Variants in CEP126 observed in about 807,000 individuals in gnomAD.
The protein encoded by CEP126 is centrosomal protein of 126 kDa.
In CEP126, 74 loss-of-function variants were observed where a neutral mutation model predicts 107.8. That is an observed-to-expected ratio of 0.69 (90% confidence interval 0.57 to 0.83). CEP126 has a LOEUF of 0.83. Among genes scored for constraint, CEP126 ranks in the 40% least tolerant of loss-of-function variants. CEP126 has a pLI of 0.00. For missense variants in CEP126, 1,237 were observed against 1,281.9 expected (o/e 0.96, Z 0.53); for synonymous variants, 449 against 446.0 (o/e 1.01, Z -0.08).
chr11:101,983,870 G>A (rs576209706), intron 8 of CEP126, among the ~76,000 whole-genome samples: 5 of 152,302 alleles, frequency 3.3e-5, no homozygotes, highest in African/African-American at 1.2e-4. Flanking sequence ...TGATTTCAAG[G>A]AGTGAATTTC....
At chr11:101,964,951 A>G (rs770184577) in intron 6 of CEP126, among the ~76,000 whole-genome samples, 41 of 152,214 alleles carry the variant, frequency 2.7e-4, no homozygotes, top group South Asian at 4.1e-4. Context: ...TTGAGTTGCT[A>G]TAAACTAATA....
At chr11:101,987,815 A>T (rs536566322) in intron 9 of CEP126, among the ~76,000 whole-genome samples, 15 of 152,320 alleles carry the variant, frequency 9.8e-5, no homozygotes, top group African/African-American at 3.6e-4. Context: ...AGTTCTTAAG[A>T]TCTCAAGCAA....
Position 101,963,442 on chromosome 11 carries a change from C to T in CEP126, c.2407C>T (p.Pro803Ser). The part of the protein sequence containing the change: ...AQGKLIIPCP[P>S]PQSTSNIRSG... ...GGGAAAATTAATTATACCTTGTCCT[C>T]CTCCTCAATCTACATCAAATATTAG... The change falls in exon 6 of 11, where the codon CCT (proline) becomes TCT (serine). Residue 803 changes from proline to serine, a missense_variant. Around this residue, in one of 3 missense-constraint regions of CEP126, gnomAD observed 1,134 missense variants for 1,150.5 expected, o/e 0.99. Transcript: ENST00000263468. 1 of 1,614,076 alleles carries T rather than the reference C, an allele frequency of 6.2e-7. No individual in the cohort carries two copies. Among genetic ancestry groups the T allele is most frequent in the Non-Finnish European group, 8.5e-7 (1 of 1,179,986 alleles).
At chr11:101,958,032 A>G (rs1940922203) in intron 4 of CEP126, 136 bp from the exon 5 acceptor site, 1 of 732,018 alleles carries the variant, frequency 1.4e-6, no homozygotes, top group Admixed American at 2.4e-5. Context: ...ACATGTCTAT[A>G]TATTTCTCCA....
chr11:101,968,475 A>T (rs1215787739), intron 6 of CEP126, among the ~76,000 whole-genome samples: 2 of 152,218 alleles, frequency 1.3e-5, no homozygotes, highest in African/African-American at 4.8e-5. Flanking sequence ...TTAGGAGATT[A>T]GATAGAATAA....
intron 4 of CEP126, chr11:101,955,891 T>G: frequency 2.2e-6 from 1 of 456,310 alleles, no homozygotes; most frequent in Non-Finnish European, 4.4e-6. Flanking sequence ...ACTTCCAAAT[T>G]CTTCCTAGCT....
intron 1 of CEP126, 132 bp from the exon 2 acceptor site, chr11:101,922,509 G>A (rs1591267339): frequency 4.2e-6 from 3 of 720,670 alleles, no homozygotes; most frequent in Non-Finnish European, 4.6e-6. Context: ...ACTAATGTGG[G>A]CACATACTAA....
intron 6 of CEP126, among the ~76,000 whole-genome samples, chr11:101,970,549 CTTTTT>C (rs533402709): frequency 7.0e-6 from 1 of 143,634 alleles, no homozygotes; most frequent in African/African-American, 2.5e-5. Context: ...ATTCTACTTC[CTTTTT>C]TTTTTTAAGC....
At chr11:101,965,856 A>G (rs193239221) in intron 6 of CEP126, among the ~76,000 whole-genome samples, 3 of 152,314 alleles carry the variant, frequency 2.0e-5, no homozygotes, top group Non-Finnish European at 1.5e-5. Context: ...CCAGATCTCT[A>G]TGGTTCCAAG....
At chr11:101,915,501 A>C in intron 1 of CEP126, 89 bp downstream of exon 1, 1 of 1,492,636 alleles carries the variant, frequency 6.7e-7, no homozygotes, top group South Asian at 1.3e-5. Flanking sequence ...CCTTTGACGC[A>C]GGGTGATCAA....
At chr11:101,952,672 G>T (rs1431659194) in intron 4 of CEP126, among the ~76,000 whole-genome samples, 1 of 152,172 alleles carries the variant, frequency 6.6e-6, no homozygotes, top group Non-Finnish European at 1.5e-5. Flanking sequence ...GGGAAGAATA[G>T]ATAGGTTTAG....
rs1170660655 is a variant in CEP126 at position 101,997,928 on chromosome 11, G to GAGT, written c.*288_*290dup. The GAGT allele has an allele frequency of 1.9e-5, 6 of 314,940 alleles. No individual in the cohort carries two copies. The highest frequency in any genetic ancestry group is 1.3e-4 in the African/African-American group (6 of 47,668). The allele number at this position is 314,940 out of a possible 1,614,324, so 19.5% of individuals were successfully genotyped here. ...TACATGCCACAAGGATGAAGCTTGT[G>GAGT]AGTAGAGCAAACAAACGTTTTTCCA... is the stretch of plus-strand genomic sequence containing the variant. On this transcript the variant is annotated 3_prime_UTR_variant, in exon 11 of 11. Coordinates refer to ENST00000263468, the MANE Select transcript of CEP126 (RefSeq NM_020802.4).
intron 6 of CEP126, among the ~76,000 whole-genome samples, chr11:101,974,802 T>C (rs147707357): frequency 7.6e-4 from 116 of 152,294 alleles, no homozygotes; most frequent in African/African-American, 2.5e-3. Flanking sequence ...TTTAAGCACA[T>C]GTATGTGAAT....
chr11:101,962,695 G>T lies in CEP126; in HGVS notation c.1660G>T (p.Asp554Tyr). ...SSLSNVTSNY[D>Y]FVGQHKKMKY... ...CTTGTCTAATGTAACTTCTAATTAT[G>T]ACTTTGTTGGCCAGCATAAGAAAAT... The change falls in exon 6 of 11, where the codon GAC (aspartate) becomes TAC (tyrosine). Residue 554 changes from aspartate (D) to tyrosine (Y), a missense_variant. Asp to Tyr is a radical substitution (Grantham distance 160). Transcript: ENST00000263468. The T allele has an allele frequency of 6.2e-7, 1 of 1,613,012 alleles. No homozygotes were observed. The highest frequency in any genetic ancestry group is 1.1e-5 in the South Asian group (1 of 90,678).
chr11:101,982,755 A>G (rs1339237334), intron 8 of CEP126, among the ~76,000 whole-genome samples: 4 of 152,176 alleles, frequency 2.6e-5, no homozygotes, highest in African/African-American at 9.7e-5. Context: ...TAGGTATTGG[A>G]TATACATGTA....
At chr11:101,917,671 T>G (rs1160082956) in intron 1 of CEP126, among the ~76,000 whole-genome samples, 3 of 151,150 alleles carry the variant, frequency 2.0e-5, no homozygotes, top group Non-Finnish European at 2.9e-5. Flanking sequence ...CATAAATATC[T>G]CTACCCTTCA....
intron 7 of CEP126, among the ~76,000 whole-genome samples, chr11:101,979,333 G>A (rs1402461938): frequency 6.6e-6 from 1 of 152,118 alleles, no homozygotes; most frequent in Non-Finnish European, 1.5e-5. Flanking sequence ...ACCTTTCATA[G>A]GGAACTTTGA....
intron 2 of CEP126, among the ~76,000 whole-genome samples, chr11:101,923,719 G>C (rs7944180): frequency 6.6e-6 from 1 of 152,086 alleles, no homozygotes; most frequent in Non-Finnish European, 1.5e-5. Context: ...TATAAACGGC[G>C]TGTGACAGGT....
chr11:101,921,820 T>G (rs1940333045), intron 1 of CEP126, among the ~76,000 whole-genome samples: 1 of 141,126 alleles, frequency 7.1e-6, no homozygotes. Flanking sequence ...AGTTTCGCTT[T>G]TGTTGCCCAG....
Sources: gnomAD v4.1 joint callset for allele counts (sites outside exome capture counted in the v4.1 genomes callset) on GRCh38, gnomAD v4.1.1 for gene constraint, gnomAD v4.1.1 regional missense constraint, MANE v1.5 for transcripts, NCBI Gene and HGNC (gene_info 2026-07-23, HGNC 2026-07-21) for gene names.